ISOC2: variants seen among roughly 807,000 people sequenced by gnomAD.
The protein encoded by ISOC2 is isochorismatase domain containing 2.
A neutral mutation model predicts 19.3 loss-of-function variants in ISOC2; 15 were observed. The observed-to-expected ratio is 0.78, with a 90% CI of 0.52 to 1.20. ISOC2 has a LOEUF of 1.20. Among genes scored for constraint, ISOC2 ranks in the 50% most tolerant of loss-of-function variants. The probability of loss-of-function intolerance (pLI) is 0.00; values close to 1 mark genes in which losing one functional copy is unlikely to be tolerated. For missense variants in ISOC2, 285 were observed against 272.4 expected (o/e 1.05, Z -0.33); for synonymous variants, 106 against 115.8 (o/e 0.92, Z 0.54).
Position 55,455,635 on chromosome 19 carries a change from C to A in ISOC2, c.348+1G>T. 2 of 1,582,506 alleles carry A rather than the reference C, an allele frequency of 1.3e-6. No individual in the cohort carries two copies. The highest frequency in any genetic ancestry group is 1.7e-6 in the Non-Finnish European group (2 of 1,159,870). On this transcript the variant is annotated splice_donor_variant, in intron 3 of 5. Transcript: ENST00000425675. LOFTEE classifies it high-confidence loss of function. ...ACCCCTGGGGTCAGTCAGCATCTCA[C>A]CAAGATGCAGGCCTGTGCCTCAATG... is the stretch of plus-strand genomic sequence containing the variant.
Position 55,455,114 on chromosome 19 carries a change from TG to T in ISOC2, c.420-9del. 2.4e-6 allele frequency: 2 copies of T among 833,166 alleles called. No homozygotes were observed. The highest frequency in any genetic ancestry group is 3.8e-6 in the Non-Finnish European group (2 of 524,268). The allele number at this position is 833,166 out of a possible 1,614,324, so 51.6% of individuals were successfully genotyped here. Reference sequence around the variant, plus strand: ...ACCAGCCGGTCCACCTGGCTGTGAGTGGGAGGGAGGGAGGGAAGGTTGGTGT... The same window carrying T: ...ACCAGCCGGTCCACCTGGCTGTGAGTGGAGGGAGGGAGGGAAGGTTGGTGT... On this transcript the variant is annotated splice_polypyrimidine_tract_variant and intron_variant, in intron 4 of 5. Transcript: ENST00000425675.
chr19:55,455,691 C>A lies in ISOC2; in HGVS notation c.293G>T (p.Arg98Leu). Residue 98 changes from arginine (R) to leucine (L), a missense_variant, in exon 3 of 6, where the codon CGG (arginine) becomes CTG (leucine). Transcript: ENST00000425675. ...GAGCAGCACAGAGCGCAGCTGGGGC[C>A]GACTGTCCAGCTCCTGCTGCAGGGC... Reference protein sequence around the residue: ...VPALQQELDSRPQLRSVLLCG... With the variant: ...VPALQQELDSLPQLRSVLLCG... 1.2e-6 allele frequency: 2 copies of A among 1,610,798 alleles called. No homozygotes were observed. Among genetic ancestry groups the A allele is most frequent in the Non-Finnish European group, 1.7e-6 (2 of 1,178,572 alleles).
At position 55,455,202 on chromosome 19, in the gene ISOC2, C is replaced by T. The variant is rs1456236609; in HGVS notation, c.419+58G>A. 3.2e-6 allele frequency: 5 copies of T among 1,568,766 alleles called. No homozygotes were observed. In the African/African-American group the frequency reaches 6.8e-5, roughly 21 times the overall value. ...CCTGGTGGGAATGCCGCCTGTGGCC[C>T]TTCCTGGGAGCCCCTGATGGCCCCC... On this transcript the variant is annotated intron_variant, in intron 4 of 5. Coordinates refer to ENST00000425675, the MANE Select transcript of ISOC2 (RefSeq NM_001136201.2).
intron 1 of ISOC2, among the ~76,000 whole-genome samples, chr19:55,456,691 G>A (rs1986072295): frequency 6.6e-6 from 1 of 152,150 alleles, no homozygotes; most frequent in Non-Finnish European, 1.5e-5. Context: ...CGGCAGGGAG[G>A]TGACTTCCTT....
At chr19:55,460,535 C>CA in intron 1 of ISOC2, among the ~76,000 whole-genome samples, 1 of 152,078 alleles carries the variant, frequency 6.6e-6, no homozygotes. Context: ...GGCATAAAGC[C>CA]AAAACCCGGC....
rs1055037422 is a variant in ISOC2, at chr19:55,455,088, C to T, written c.438G>A (p.Val146=). The stretch of plus-strand genomic sequence containing the variant: ...CACTCTGTCTCATGCGGGCCAGAGC[C>T]ACCAGCCGGTCCACCTGGCTGTGAG... ...CSSRSQVDRL[V]ALARMRQSGA... is the part of the protein sequence containing the mutation. Residue 146 remains valine, a synonymous_variant, in exon 5 of 6, where the codon GTG becomes GTA. Transcript: ENST00000425675. 6.2e-6 allele frequency: 10 copies of T among 1,608,310 alleles called. No homozygotes were observed. The highest frequency in any genetic ancestry group is 8.5e-6 in the Non-Finnish European group (10 of 1,176,038).
chr19:55,461,189 CACCCGGTCTCGGAA>C (rs72145638), intron 1 of ISOC2, among the ~76,000 whole-genome samples: 73,098 of 151,582 alleles, frequency 0.48, 18,035 homozygotes, highest in Non-Finnish European at 0.51. Context: ...TTGATTTCCC[CACCCGGTCTCGGAA>C]ACCCGGCCTT....
At chr19:55,456,823 G>T (rs1210739877) in intron 1 of ISOC2, among the ~76,000 whole-genome samples, 1 of 152,000 alleles carries the variant, frequency 6.6e-6, no homozygotes, top group Non-Finnish European at 1.5e-5. Context: ...GTTACCATCC[G>T]CCCCGGTTAC....
chr19:55,454,601 A>AT (rs1985982309), intron 5 of ISOC2: 1 of 176,980 alleles, frequency 5.7e-6, no homozygotes, highest in African/African-American at 2.4e-5. Context: ...AGAGTTGGAG[A>AT]TGGGTGTGGA....
At chr19:55,457,170 T>G (rs1426900647) in intron 1 of ISOC2, 1 of 153,244 alleles carries the variant, frequency 6.5e-6, no homozygotes, top group African/African-American at 2.4e-5. Flanking sequence ...ACAACCTGGA[T>G]AGATCTCAAC....
At chr19:55,457,431 G>A (rs987723777) in intron 1 of ISOC2, among the ~76,000 whole-genome samples, 14 of 152,106 alleles carry the variant, frequency 9.2e-5, no homozygotes, top group African/African-American at 3.4e-4. Context: ...CTGCTCGGGA[G>A]GCTGAGGCAG....
intron 1 of ISOC2, among the ~76,000 whole-genome samples, chr19:55,460,222 C>T (rs1986191745): frequency 6.6e-6 from 1 of 152,038 alleles, no homozygotes; most frequent in Non-Finnish European, 1.5e-5. Context: ...GAAAAAATTA[C>T]GAGGAAGCTC....
intron 5 of ISOC2, chr19:55,454,101 C>T (rs1205091356): frequency 6.5e-6 from 1 of 152,736 alleles, no homozygotes; most frequent in Non-Finnish European, 1.5e-5. Context: ...GGCTCTGACT[C>T]CTGCGTGAAG....
intron 1 of ISOC2, among the ~76,000 whole-genome samples, chr19:55,458,231 GC>G (rs1986126312): frequency 6.6e-6 from 1 of 152,130 alleles, no homozygotes; most frequent in Admixed American, 6.5e-5. Flanking sequence ...CTCGGTCAGA[GC>G]GTCTACGCTG....
rs528337399 is a variant in ISOC2 at position 55,455,067 on chromosome 19, C to T, written c.459G>A (p.Gln153=). The T allele has an allele frequency of 8.7e-6, 14 of 1,601,342 alleles. No individual in the cohort carries two copies. The highest frequency in any genetic ancestry group is 1.3e-5 in the African/African-American group (1 of 74,648). The part of the protein sequence containing the change: ...DRLVALARMR[Q]SGAFLSTSEG... ...CGCTGGTGGAGAGGAAGGCACCACTCTGTCTCATGCGGGCCAGAGCCACCA... is the reference window on the plus strand; with the variant it reads ...CGCTGGTGGAGAGGAAGGCACCACTTTGTCTCATGCGGGCCAGAGCCACCA... Residue 153 remains glutamine (Q), a synonymous_variant, in exon 5 of 6, where the codon CAG becomes CAA. Transcript: ENST00000425675.
chr19:55,454,961 G>A, intron 5 of ISOC2, 28 bp downstream of exon 5: 1 of 1,476,320 alleles, frequency 6.8e-7, no homozygotes, highest in Non-Finnish European at 9.5e-7. Flanking sequence ...AGATGCAGGG[G>A]AGGTGGGGGC....
intron 5 of ISOC2, chr19:55,453,822 G>A (rs1985952836): frequency 1.3e-5 from 2 of 153,016 alleles, no homozygotes; most frequent in Non-Finnish European, 1.5e-5. Flanking sequence ...GTCCCAGCAA[G>A]TTTATCTCCA....
chr19:55,455,471 G>T (rs1986020599), intron 3 of ISOC2, 141 bp from the exon 4 acceptor site: 15 of 1,231,256 alleles, frequency 1.2e-5, no homozygotes, highest in South Asian at 7.9e-5. Context: ...CCCAGGTCAG[G>T]AGGGGATCCA....
rs1236711225 is a variant in ISOC2, at chr19:55,455,159, A to T, written c.420-53T>A. ...TTGGTGTGGACGCCGCAGTCTGGAC[A>T]CCCAGACACGCAGGCACCCTGGTGG... is the stretch of plus-strand genomic sequence containing the variant. On this transcript the variant is annotated intron_variant, in intron 4 of 5. Transcript: ENST00000425675. 35 of 1,579,710 alleles carry T rather than the reference A, an allele frequency of 2.2e-5. 1 individual carries two copies. In the South Asian group the frequency reaches 3.8e-4, roughly 17 times the overall value.
Sources: allele counts gnomAD v4.1 joint callset (sites outside exome capture counted in the v4.1 genomes callset), GRCh38; gene constraint gnomAD v4.1.1; transcripts MANE v1.5; gene names NCBI Gene and HGNC (gene_info 2026-07-23, HGNC 2026-07-21).